The following PDGFD variants were observed in gnomAD, a reference collection of about 807,000 sequenced individuals.
PDGFD encodes the protein platelet derived growth factor D, also known as platelet-derived growth factor D.
PDGFD carries 30 observed loss-of-function variants against 44.7 expected under a neutral mutation model. The observed-to-expected ratio is 0.67, with a 90% CI of 0.50 to 0.91. The LOEUF (loss-of-function observed/expected upper bound fraction) is 0.91, where lower values mean the gene tolerates loss of function less well. PDGFD is among the 40% of genes least tolerant of loss of function. The probability of loss-of-function intolerance (pLI) is 0.00; values close to 1 mark genes in which losing one functional copy is unlikely to be tolerated. For synonymous variants in PDGFD, 173 were observed against 168.4 expected, an observed-to-expected ratio of 1.03 and a Z score of -0.21; for missense variants, 445 against 457.8, an observed-to-expected ratio of 0.97 and a Z score of 0.25.
chr11:103,996,099 G>A lies in PDGFD; in HGVS notation c.476C>T (p.Ala159Val). ...ITFKSDDYFV[A>V]KPGFKIYYSL... ...ATAATAAATCTTGAATCCAGGTTTA[G>A]CCACAAAGTAGTCATCGGACTTGAA... The change falls in exon 3 of 7, where the codon GCT becomes GTT. Residue 159 changes from alanine to valine, a missense_variant. Transcript: ENST00000393158. 1.2e-6 allele frequency: 2 copies of A among 1,613,480 alleles called. No homozygotes were observed. Among genetic ancestry groups the A allele is most frequent in the Non-Finnish European group, 1.7e-6 (2 of 1,179,722 alleles).
intron 1 of PDGFD, among the ~76,000 whole-genome samples, chr11:104,095,491 A>T (rs749817184): frequency 5.9e-5 from 9 of 152,140 alleles, no homozygotes; most frequent in Admixed American, 3.3e-4. Context: ...AGTCACCAAA[A>T]GACCCTGCCA....
At chr11:104,150,877 T>A (rs892900110) in intron 1 of PDGFD, among the ~76,000 whole-genome samples, 1 of 152,208 alleles carries the variant, frequency 6.6e-6, no homozygotes, top group African/African-American at 2.4e-5. Context: ...CTGCAAAGTC[T>A]CTTGCATATA....
At chr11:104,067,362 T>C (rs1860803914) in intron 1 of PDGFD, among the ~76,000 whole-genome samples, 1 of 152,298 alleles carries the variant, frequency 6.6e-6, no homozygotes, top group Middle Eastern at 3.4e-3. Context: ...TCTGACAGCA[T>C]TAAACAGTTA....
chr11:103,916,310 T>C (rs1858124472), intron 6 of PDGFD, among the ~76,000 whole-genome samples: 2 of 137,306 alleles, frequency 1.5e-5, no homozygotes, highest in Admixed American at 1.4e-4. Context: ...AAGAAGACAT[T>C]TATGCAGCCA....
chr11:104,135,793 T>G lies in PDGFD; in HGVS notation c.124+28011A>C, dbSNP rs141090511. Among the ~76,000 whole-genome samples the G allele has an allele frequency of 1.9e-3, 283 of 152,244 alleles. 1 individual carries two copies. Among genetic ancestry groups the G allele is most frequent in the African/African-American group, 6.1e-3 (255 of 41,548 alleles). ...GGTTTGGTCCTGCACTTAATGAATC[T>G]GAGATGCCTGAAAGACAGCTATGAG... is the stretch of plus-strand genomic sequence containing the variant. On this transcript the variant is annotated intron_variant, in intron 1 of 6. Coordinates refer to ENST00000393158, the MANE Select transcript of PDGFD (RefSeq NM_025208.5).
chr11:104,054,895 C>G (rs929164719), intron 1 of PDGFD, among the ~76,000 whole-genome samples: 1 of 152,192 alleles, frequency 6.6e-6, no homozygotes, highest in Non-Finnish European at 1.5e-5. Flanking sequence ...GTGGAGGGAA[C>G]CAGCCTCAGG....
At chr11:104,065,838 T>G (rs1860783776) in intron 1 of PDGFD, among the ~76,000 whole-genome samples, 1 of 152,168 alleles carries the variant, frequency 6.6e-6, no homozygotes, top group Non-Finnish European at 1.5e-5. Context: ...GCTAAAATGC[T>G]GAATACATTT....
intron 4 of PDGFD, 122 bp downstream of exon 4, chr11:103,947,540 C>A: frequency 1.4e-6 from 1 of 723,502 alleles, no homozygotes; most frequent in Non-Finnish European, 2.5e-6. Context: ...AGAAACACAT[C>A]CTGTTTGAGA....
intron 6 of PDGFD, among the ~76,000 whole-genome samples, chr11:103,925,928 C>T (rs1262853981): frequency 6.6e-6 from 1 of 151,810 alleles, no homozygotes; most frequent in Non-Finnish European, 1.5e-5. Context: ...GGGGTTTTGC[C>T]ATGTTGGCCA....
At chr11:104,027,063 T>C (rs921632307) in intron 1 of PDGFD, among the ~76,000 whole-genome samples, 2 of 152,254 alleles carry the variant, frequency 1.3e-5, no homozygotes, top group African/African-American at 4.8e-5. Context: ...AAAGACCTTG[T>C]CATCTACTTT....
intron 3 of PDGFD, among the ~76,000 whole-genome samples, chr11:103,981,373 A>T (rs1037813738): frequency 4.0e-5 from 6 of 151,616 alleles, no homozygotes; most frequent in Non-Finnish European, 5.9e-5. Flanking sequence ...TTTCTTTTTT[A>T]AAAAAATTAC....
intron 3 of PDGFD, among the ~76,000 whole-genome samples, chr11:103,985,081 TTATTTAATATATTATATATTA>T (rs1859339054): frequency 9.6e-6 from 1 of 104,232 alleles, no homozygotes; most frequent in Non-Finnish European, 1.9e-5. Context: ...ATAGTTATAT[TTATTTAATATATTATATATTA>T]ATTTATTTAA....
At chr11:104,160,331 A>C (rs1220712649) in intron 1 of PDGFD, among the ~76,000 whole-genome samples, 2 of 152,266 alleles carry the variant, frequency 1.3e-5, no homozygotes, top group East Asian at 3.8e-4. Flanking sequence ...AAGGTCAAGA[A>C]AATGAAATGA....
intron 1 of PDGFD, among the ~76,000 whole-genome samples, chr11:104,146,401 G>A (rs1862163604): frequency 6.6e-6 from 1 of 152,166 alleles, no homozygotes; most frequent in African/African-American, 2.4e-5. Flanking sequence ...ACTAGACAAT[G>A]TGGTTAATCC....
intron 1 of PDGFD, chr11:104,038,267 A>C: frequency 2.3e-6 from 1 of 437,708 alleles, no homozygotes; most frequent in Non-Finnish European, 4.2e-6. Context: ...TTTCCAGATA[A>C]TCCATGAAAA....
chr11:104,078,501 C>A (rs745964493), intron 1 of PDGFD, among the ~76,000 whole-genome samples: 1 of 75,342 alleles, frequency 1.3e-5, no homozygotes, highest in Non-Finnish European at 2.4e-5. Context: ...CTCCCTCTTT[C>A]CTTGATTCAG....
At chr11:104,131,801 TAAAAAAA>T (rs55959221) in intron 1 of PDGFD, among the ~76,000 whole-genome samples, 1 of 70,960 alleles carries the variant, frequency 1.4e-5, no homozygotes, top group Non-Finnish European at 2.6e-5. Context: ...CAATGAACTG[TAAAAAAA>T]AAAAAAAAAA....
intron 6 of PDGFD, among the ~76,000 whole-genome samples, chr11:103,926,621 G>A (rs1994450): frequency 0.11 from 17,259 of 152,144 alleles, 1,294 homozygotes; most frequent in Middle Eastern, 0.21. Context: ...AGTAGGTCAA[G>A]CTCTGAAATT....
chr11:103,996,141 T>C lies in PDGFD; in HGVS notation c.434A>G (p.Asn145Ser). 1 of 1,613,826 alleles carries C rather than the reference T, an allele frequency of 6.2e-7. No homozygotes were observed. The part of the protein sequence containing the change: ...EVPPRIKSRT[N>S]QIKITFKSDD... ...GGACTTGAATGTGATTTTAATTTGGTTCGTTCTTGATTTTATCCTTGGAGG... is the reference window on the plus strand; with the variant it reads ...GGACTTGAATGTGATTTTAATTTGGCTCGTTCTTGATTTTATCCTTGGAGG... The change falls in exon 3 of 7, where the codon AAC becomes AGC. Residue 145 changes from asparagine to serine, a missense_variant. Transcript: ENST00000393158.
Sources: allele counts gnomAD v4.1 joint callset (sites outside exome capture counted in the v4.1 genomes callset), GRCh38; gene constraint gnomAD v4.1.1; transcripts MANE v1.5; gene names NCBI Gene and HGNC (gene_info 2026-07-23, HGNC 2026-07-21).